Variants in TTC33 observed in about 807,000 individuals in gnomAD.
The protein encoded by TTC33 is tetratricopeptide repeat domain 33.
In TTC33, 24 loss-of-function variants were observed where a neutral mutation model predicts 29.4. The ratio of observed to expected loss-of-function variants is 0.82; its 90% CI spans 0.59 to 1.15. The LOEUF is 1.15. Ranked by LOEUF, TTC33 falls within the 50% of genes most tolerant of loss-of-function variation. The pLI is 0.00. For missense variants in TTC33, 286 were observed against 310.4 expected (o/e 0.92, Z 0.59); for synonymous variants, 107 against 100.3 (o/e 1.07, Z -0.40).
In TTC33 at chr5:40,716,028, G is replaced by T; in HGVS notation, c.*117C>A. 1 of 852,270 alleles carries T rather than the reference G, an allele frequency of 1.2e-6. No individual in the cohort carries two copies. Among genetic ancestry groups the T allele is most frequent in the Non-Finnish European group, 1.8e-6 (1 of 567,654 alleles). The allele number at this position is 852,270 out of a possible 1,614,324, so 52.8% of individuals were successfully genotyped here. ...ATTTTAGTTTTTATATGCCTCATCT[G>T]AAAAACATATTTTACAACCAGGCGT... is the stretch of plus-strand genomic sequence containing the variant. On this transcript the variant is annotated 3_prime_UTR_variant, in exon 5 of 5. Coordinates refer to ENST00000337702, the MANE Select transcript of TTC33 (RefSeq NM_012382.3).
At chr5:40,751,961 GAAA>G (rs61319403) in intron 1 of TTC33, among the ~76,000 whole-genome samples, 5 of 126,930 alleles carry the variant, frequency 3.9e-5, no homozygotes, top group Admixed American at 1.6e-4. Context: ...CGTCTCAAAA[GAAA>G]AAAAAAAAAA....
chr5:40,740,480 A>G (rs1180823874), intron 2 of TTC33, among the ~76,000 whole-genome samples: 4 of 152,024 alleles, frequency 2.6e-5, no homozygotes, highest in African/African-American at 9.7e-5. Flanking sequence ...ATTATCTTGC[A>G]TAGACCTCCA....
intron 1 of TTC33, among the ~76,000 whole-genome samples, 157 bp from the exon 2 acceptor site, chr5:40,747,176 G>C (rs1742810395): frequency 6.6e-6 from 1 of 151,740 alleles, no homozygotes; most frequent in African/African-American, 2.4e-5. Flanking sequence ...TCCTGCCTCA[G>C]CCTCCCGAAT....
chr5:40,734,427 G>T (rs1044575656), intron 2 of TTC33, among the ~76,000 whole-genome samples: 6 of 152,146 alleles, frequency 3.9e-5, no homozygotes, highest in Non-Finnish European at 8.8e-5. Flanking sequence ...GTCTGATTCC[G>T]CCAGTTTAAG....
At chr5:40,744,968 A>T (rs1321044210) in intron 2 of TTC33, among the ~76,000 whole-genome samples, 1 of 152,210 alleles carries the variant, frequency 6.6e-6, no homozygotes, top group Non-Finnish European at 1.5e-5. Context: ...CTTGCCAAAA[A>T]TATTTAGACT....
rs1741945195 is a variant in TTC33 at position 40,713,828 on chromosome 5, T to G, written c.*2317A>C. On this transcript the variant is annotated 3_prime_UTR_variant, in exon 5 of 5. Coordinates refer to ENST00000337702, the MANE Select transcript of TTC33 (RefSeq NM_012382.3). ...CTTCAGATTCATAAAGATTTGTTATTAAAATTAACAAGCTTAGTCTATGTT... is the reference window on the plus strand; with the variant it reads ...CTTCAGATTCATAAAGATTTGTTATGAAAATTAACAAGCTTAGTCTATGTT... Among the ~76,000 whole-genome samples, 1 of 151,668 alleles carries G rather than the reference T, an allele frequency of 6.6e-6. No homozygotes were observed. The highest frequency in any genetic ancestry group is 2.4e-5 in the African/African-American group (1 of 41,454).
chr5:40,728,295 A>AAAAAAAAAAAAAAAT, intron 4 of TTC33, 50 bp downstream of exon 4: 6 of 1,239,902 alleles, frequency 4.8e-6, no homozygotes, highest in Non-Finnish European at 6.5e-6. Context: ...AAAAAAAAAA[A>AAAAAAAAAAAAAAAT]GTCAAAATAT....
intron 1 of TTC33, among the ~76,000 whole-genome samples, chr5:40,749,763 CTAAT>C (rs1742859704): frequency 6.6e-6 from 1 of 152,152 alleles, no homozygotes; most frequent in Non-Finnish European, 1.5e-5. Context: ...ATACTATAGT[CTAAT>C]TAAGTGTTAT....
chr5:40,744,469 T>G (rs1293386705), intron 2 of TTC33, among the ~76,000 whole-genome samples: 1 of 147,384 alleles, frequency 6.8e-6, no homozygotes, highest in Non-Finnish European at 1.5e-5. Context: ...ACAAGAAATC[T>G]TATCACCACT....
chr5:40,725,642 T>C (rs1742262482), intron 4 of TTC33, among the ~76,000 whole-genome samples: 1 of 152,186 alleles, frequency 6.6e-6, no homozygotes, highest in African/African-American at 2.4e-5. Context: ...TTCCTGATAC[T>C]GTTACCTCCT....
chr5:40,754,551 C>T (rs1214291001), intron 1 of TTC33, among the ~76,000 whole-genome samples: 1 of 152,090 alleles, frequency 6.6e-6, no homozygotes, highest in Non-Finnish European at 1.5e-5. Context: ...AATAGAGATA[C>T]CAAACAGTAG....
intron 2 of TTC33, among the ~76,000 whole-genome samples, chr5:40,745,370 G>A (rs1742771371): frequency 6.6e-6 from 1 of 152,060 alleles, no homozygotes; most frequent in African/African-American, 2.4e-5. Context: ...CATAATGTCT[G>A]AAACTTACTT....
intron 2 of TTC33, 143 bp from the exon 3 acceptor site, chr5:40,730,486 A>C (rs1579678876): frequency 1.0e-5 from 6 of 572,996 alleles, no homozygotes; most frequent in Non-Finnish European, 1.5e-5. Flanking sequence ...AGTAGCATTA[A>C]GTACATATAG....
intron 2 of TTC33, among the ~76,000 whole-genome samples, chr5:40,733,175 A>G (rs1742472651): frequency 6.6e-6 from 1 of 152,210 alleles, no homozygotes; most frequent in Non-Finnish European, 1.5e-5. Context: ...AGAAAAAAAC[A>G]AAAACATGAG....
chr5:40,744,487 G>GTTT (rs375739587), intron 2 of TTC33, among the ~76,000 whole-genome samples: 1,475 of 136,366 alleles, frequency 0.011, 22 homozygotes, highest in Middle Eastern at 0.028. Context: ...ACTCTTACCA[G>GTTT]TTTTTTTTTT....
chr5:40,722,366 C>A (rs1561143918), intron 4 of TTC33, among the ~76,000 whole-genome samples: 2 of 151,762 alleles, frequency 1.3e-5, no homozygotes, highest in Middle Eastern at 3.5e-3. Flanking sequence ...CCTGGCCGCC[C>A]ATCGTCTGGG....
chr5:40,744,927 T>C (rs1579690324), intron 2 of TTC33, among the ~76,000 whole-genome samples: 1 of 152,268 alleles, frequency 6.6e-6, no homozygotes, highest in Non-Finnish European at 1.5e-5. Context: ...TATGATGCAG[T>C]ATAAAGCACA....
In TTC33 at chr5:40,712,280, C is replaced by A. The variant is rs943366992; in HGVS notation, c.*3865G>T. Among the ~76,000 whole-genome samples, 2 of 150,412 alleles carry A rather than the reference C, an allele frequency of 1.3e-5. No homozygotes were observed. Among genetic ancestry groups the A allele is most frequent in the South Asian group, 2.1e-4 (1 of 4,722 alleles). On this transcript the variant is annotated 3_prime_UTR_variant, in exon 5 of 5. Coordinates refer to ENST00000337702, the MANE Select transcript of TTC33 (RefSeq NM_012382.3). The stretch of plus-strand genomic sequence containing the variant: ...TAGAATTTCCATTATTTAAAAAAAA[C>A]CTCTAAAATTAGGAAAGAATTCCCA...
chr5:40,750,830 G>C (rs1362373169), intron 1 of TTC33, among the ~76,000 whole-genome samples: 1 of 152,138 alleles, frequency 6.6e-6, no homozygotes, highest in Admixed American at 6.5e-5. Context: ...CACTTTCTTT[G>C]TTCATCCCTA....
Sources: gnomAD v4.1 joint callset for allele counts (sites outside exome capture counted in the v4.1 genomes callset) on GRCh38, gnomAD v4.1.1 for gene constraint, MANE v1.5 for transcripts, NCBI Gene and HGNC (gene_info 2026-07-23, HGNC 2026-07-21) for gene names.